Variants in ARL15 observed in about 807,000 individuals in gnomAD.
The protein encoded by ARL15 is ARF like GTPase 15, also known as ADP-ribosylation factor-like protein 15.
Under a neutral mutation model 25.2 loss-of-function variants are expected in ARL15, and 19 were observed. The observed-to-expected ratio is 0.75, with a 90% CI of 0.53 to 1.10. The LOEUF is 1.10. Among genes scored for constraint, ARL15 ranks in the 50% least tolerant of loss-of-function variants. The pLI, the probability that ARL15 is intolerant of heterozygous loss-of-function variation, is 0.00. For missense variants in ARL15, 220 were observed against 246.0 expected (o/e 0.89, Z 0.71); for synonymous variants, 94 against 86.8 (o/e 1.08, Z -0.46).
chr5:54,100,522 T>C (rs1054088419), intron 4 of ARL15, among the ~76,000 whole-genome samples: 1 of 152,148 alleles, frequency 6.6e-6, no homozygotes, highest in Non-Finnish European at 1.5e-5. Flanking sequence ...GTTTACCTCA[T>C]GCAATCACAA....
At chr5:53,964,151 C>T (rs980588489) in intron 4 of ARL15, among the ~76,000 whole-genome samples, 1 of 152,102 alleles carries the variant, frequency 6.6e-6, no homozygotes, top group African/African-American at 2.4e-5. Context: ...CCTGTTCCTC[C>T]CTCATCTTGG....
intron 3 of ARL15, among the ~76,000 whole-genome samples, chr5:54,150,566 T>A (rs527582458): frequency 4.2e-4 from 64 of 152,058 alleles, no homozygotes; most frequent in Non-Finnish European, 8.5e-4. Context: ...TTTGGGAGGC[T>A]GAGGGCAGAT....
intron 1 of ARL15, among the ~76,000 whole-genome samples, chr5:54,207,941 A>T (rs951295676): frequency 6.6e-6 from 1 of 152,236 alleles, no homozygotes; most frequent in Non-Finnish European, 1.5e-5. Flanking sequence ...ACTGAAGATC[A>T]CTAGGCACAT....
At chr5:54,200,178 A>G (rs1368814763) in intron 1 of ARL15, among the ~76,000 whole-genome samples, 1 of 151,444 alleles carries the variant, frequency 6.6e-6, no homozygotes, top group African/African-American at 2.4e-5. Flanking sequence ...TAGCACCAGG[A>G]GATATACATA....
chr5:53,935,864 T>A (rs547331829), intron 4 of ARL15, among the ~76,000 whole-genome samples: 1 of 152,180 alleles, frequency 6.6e-6, no homozygotes, highest in African/African-American at 2.4e-5. Flanking sequence ...TTCTCCTGCC[T>A]CAGCCTGCTG....
intron 4 of ARL15, among the ~76,000 whole-genome samples, chr5:54,079,220 A>G (rs1751713046): frequency 2.0e-5 from 3 of 152,156 alleles, no homozygotes; most frequent in Admixed American, 1.3e-4. Flanking sequence ...TTGTCATCTC[A>G]TCCCTTTGCT....
At chr5:53,964,851 G>T (rs982258974) in intron 4 of ARL15, among the ~76,000 whole-genome samples, 1 of 152,178 alleles carries the variant, frequency 6.6e-6, no homozygotes, top group African/African-American at 2.4e-5. Flanking sequence ...GGAGTACCTT[G>T]TTACAAGTAA....
chr5:54,306,391 C>CTTTTTTTTTTTTTTT (rs11338403), intron 1 of ARL15, among the ~76,000 whole-genome samples: 3 of 134,516 alleles, frequency 2.2e-5, no homozygotes, highest in Non-Finnish European at 1.6e-5. Context: ...AATACGTTAA[C>CTTTTTTTTTTTTTTT]TTTTTTTTTT....
At chr5:54,296,603 C>T (rs1758470909) in intron 1 of ARL15, among the ~76,000 whole-genome samples, 1 of 152,250 alleles carries the variant, frequency 6.6e-6, no homozygotes, top group Non-Finnish European at 1.5e-5. Flanking sequence ...ACAATGTGCT[C>T]TGTCCTATAA....
At chr5:54,130,500 T>G (rs186705343) in intron 3 of ARL15, among the ~76,000 whole-genome samples, 217 of 152,348 alleles carry the variant, frequency 1.4e-3, no homozygotes, top group African/African-American at 5.0e-3. Context: ...GATTTAAAAG[T>G]TAACAATGTA....
chr5:53,941,415 C>T (rs1054882339), intron 4 of ARL15, among the ~76,000 whole-genome samples: 1 of 152,130 alleles, frequency 6.6e-6, no homozygotes, highest in South Asian at 2.1e-4. Context: ...TAAGTTCATA[C>T]AGAAAAACTC....
rs192236254 is a variant in ARL15, at chr5:53,953,530, C to T, written c.463-66817G>A. 5.2e-3 allele frequency among the ~76,000 whole-genome samples: 796 copies of T among 152,108 alleles called. 3 individuals carry two copies. The highest frequency in any genetic ancestry group is 5.4e-3 in the Non-Finnish European group (368 of 68,008). ...AATCCTCATTAGAAAATTTATTACG[C>T]AAAATTTAACCAACTGTAGTTGTGA... On this transcript the variant is annotated intron_variant, in intron 4 of 4. Transcript: ENST00000504924.
At chr5:54,270,861 T>C (rs1014113326) in intron 1 of ARL15, among the ~76,000 whole-genome samples, 4 of 152,228 alleles carry the variant, frequency 2.6e-5, no homozygotes, top group East Asian at 3.8e-4. Context: ...GAGATTGGCA[T>C]GTGAGTCTGA....
At chr5:53,981,518 C>A (rs1016960994) in intron 4 of ARL15, among the ~76,000 whole-genome samples, 10 of 152,304 alleles carry the variant, frequency 6.6e-5, no homozygotes, top group African/African-American at 2.2e-4. Context: ...TATTTCAGTA[C>A]AATTCTCATA....
chr5:54,009,174 T>C (rs1021984264), intron 4 of ARL15, among the ~76,000 whole-genome samples: 3 of 152,168 alleles, frequency 2.0e-5, no homozygotes, highest in African/African-American at 4.8e-5. Flanking sequence ...AAATGAAAGA[T>C]CTCCCTGCAT....
At chr5:54,061,714 C>A (rs1484716854) in intron 4 of ARL15, among the ~76,000 whole-genome samples, 1 of 152,200 alleles carries the variant, frequency 6.6e-6, no homozygotes, top group Admixed American at 6.5e-5. Flanking sequence ...GCTACAGGGG[C>A]AGGGCTCTCA....
chr5:53,958,741 A>AT (rs1747257741), intron 4 of ARL15, among the ~76,000 whole-genome samples: 1 of 152,216 alleles, frequency 6.6e-6, no homozygotes, highest in Non-Finnish European at 1.5e-5. Context: ...GTATGCACAT[A>AT]GTGACCAAAA....
intron 4 of ARL15, among the ~76,000 whole-genome samples, chr5:54,000,155 GTTTT>G (rs539551750): frequency 6.6e-6 from 1 of 152,060 alleles, no homozygotes; most frequent in Non-Finnish European, 1.5e-5. Flanking sequence ...TTTTCCTCTA[GTTTT>G]TTTAAGTTTG....
rs532209013 is a variant in ARL15 at position 53,923,121 on chromosome 5, G to A, written c.463-36408C>T. On this transcript the variant is annotated intron_variant, in intron 4 of 4. Transcript: ENST00000504924. ...AGTGACAGGGAACTTCAAACTCAGGGCAAGCAAGTTTTGGAGAATGACTGC... is the reference window on the plus strand; with the variant it reads ...AGTGACAGGGAACTTCAAACTCAGGACAAGCAAGTTTTGGAGAATGACTGC... 7.9e-5 allele frequency among the ~76,000 whole-genome samples: 12 copies of A among 152,282 alleles called. No homozygotes were observed. The South Asian group carries it at 1.0e-3, about 13-fold the overall frequency.
Sources: allele counts gnomAD v4.1 joint callset (sites outside exome capture counted in the v4.1 genomes callset), GRCh38; gene constraint gnomAD v4.1.1; transcripts MANE v1.5; gene names NCBI Gene and HGNC (gene_info 2026-07-23, HGNC 2026-07-21).